Variants in TBL1X observed in about 807,000 individuals in gnomAD.
TBL1X encodes the protein F-box-like/WD repeat-containing protein TBL1X.
In TBL1X, 10 loss-of-function variants were observed where a neutral mutation model predicts 50.7. The ratio of observed to expected loss-of-function variants is 0.20; its 90% CI spans 0.12 to 0.33. The LOEUF (loss-of-function observed/expected upper bound fraction) is 0.33, where lower values mean the gene tolerates loss of function less well. Among genes scored for constraint, TBL1X ranks in the 10% least tolerant of loss-of-function variants. The probability of loss-of-function intolerance (pLI) is 1.00; values close to 1 mark genes in which losing one functional copy is unlikely to be tolerated. For synonymous variants in TBL1X, 190 were observed against 214.7 expected (o/e 0.88, Z 1.01); for missense variants, 340 against 504.4 (o/e 0.67, Z 3.12).
At chrX:9,674,464 G>T (rs2082978980) in intron 5 of TBL1X, among the ~76,000 whole-genome samples, 1 of 111,518 alleles carries the variant, frequency 9.0e-6, no homozygotes, top group Non-Finnish European at 1.9e-5. Context: ...GTTTCACCAT[G>T]TTGCCCAGAC....
intron 2 of TBL1X, chrX:9,534,991 T>C (rs1018824726): frequency 3.6e-5 from 4 of 112,078 alleles, no homozygotes; most frequent in African/African-American, 1.3e-4. Context: ...AGCTGGTTCA[T>C]GTTAAAGTGC....
In TBL1X at chrX:9,566,358, T is replaced by C. The variant is rs7887586; in HGVS notation, c.-131+64509T>C. Among the ~76,000 whole-genome samples, 267 of 112,225 alleles carry C rather than the reference T, an allele frequency of 2.4e-3. 1 individual carries two copies. The highest frequency in any genetic ancestry group is 8.4e-3 in the African/African-American group (259 of 30,911). On this transcript the variant is annotated intron_variant, in intron 2 of 17. Transcript: ENST00000645353. ...TTTTGAAGGATTTTTAAATATGTCA[T>C]TGAATAAACCTCAATATATAACCCT... is the stretch of plus-strand genomic sequence containing the variant.
chrX:9,588,370 T>A (rs1386685543), intron 2 of TBL1X, among the ~76,000 whole-genome samples: 1 of 111,795 alleles, frequency 8.9e-6, no homozygotes, highest in Non-Finnish European at 1.9e-5. Context: ...GATGTTTGGG[T>A]TGTTTCCATT....
intron 2 of TBL1X, among the ~76,000 whole-genome samples, chrX:9,539,875 G>T (rs765790854): frequency 8.9e-6 from 1 of 112,347 alleles, no homozygotes; most frequent in South Asian, 3.7e-4. Flanking sequence ...CTACTAGGCA[G>T]TACAGCTGAG....
intron 2 of TBL1X, among the ~76,000 whole-genome samples, chrX:9,585,638 G>A (rs2082465664): frequency 9.0e-6 from 1 of 111,135 alleles, no homozygotes; most frequent in African/African-American, 3.3e-5. Flanking sequence ...AGCTCCAGAG[G>A]CCACAGGTCT....
intron 2 of TBL1X, among the ~76,000 whole-genome samples, chrX:9,537,110 G>A (rs2082192084): frequency 9.0e-6 from 1 of 111,660 alleles, no homozygotes; most frequent in Non-Finnish European, 1.9e-5. Flanking sequence ...ATCACTGAGT[G>A]CTTTTACTGT....
intron 1 of TBL1X, among the ~76,000 whole-genome samples, chrX:9,490,657 C>G (rs1436080897): frequency 1.8e-5 from 2 of 112,074 alleles, no homozygotes; most frequent in African/African-American, 6.5e-5. Context: ...ACGGACACAT[C>G]TAGGAAGGAA....
At chrX:9,713,963 TTCTC>T (rs1326913342) in intron 16 of TBL1X, among the ~76,000 whole-genome samples, 1 of 110,458 alleles carries the variant, frequency 9.1e-6, no homozygotes, top group Non-Finnish European at 1.9e-5. Flanking sequence ...ATTCGACTCT[TTCTC>T]TCTTTTTTAT....
At chrX:9,496,083 A>T (rs1425447283) in intron 1 of TBL1X, among the ~76,000 whole-genome samples, 1 of 112,731 alleles carries the variant, frequency 8.9e-6, no homozygotes, top group Non-Finnish European at 1.9e-5. Flanking sequence ...TACACAATAC[A>T]CATTGATATT....
chrX:9,504,986 G>A (rs1373375675), intron 2 of TBL1X, among the ~76,000 whole-genome samples: 1 of 111,265 alleles, frequency 9.0e-6, no homozygotes, highest in Non-Finnish European at 1.9e-5. Context: ...TCTATGAGAC[G>A]ATCAACCCCA....
At chrX:9,701,639 TACAGATTTGTGTTGGGCC>T (rs932049739) in intron 12 of TBL1X, among the ~76,000 whole-genome samples, 1 of 107,394 alleles carries the variant, frequency 9.3e-6, no homozygotes, top group African/African-American at 3.4e-5. Context: ...TGAGAGAGTT[TACAGATTTGTGTTGGGCC>T]ACATTCAAAG....
intron 1 of TBL1X, among the ~76,000 whole-genome samples, chrX:9,485,697 T>C (rs2081907854): frequency 9.0e-6 from 1 of 111,152 alleles, no homozygotes; most frequent in Admixed American, 9.6e-5. Flanking sequence ...CCTGGAACCT[T>C]TGGGCAAAGC....
At chrX:9,693,990 T>C (rs953526779) in intron 11 of TBL1X, among the ~76,000 whole-genome samples, 1 of 111,120 alleles carries the variant, frequency 9.0e-6, no homozygotes, top group African/African-American at 3.3e-5. Flanking sequence ...CAGGTGCATG[T>C]AAAAGCCATC....
chrX:9,572,114 G>A (rs1044567986), intron 2 of TBL1X, among the ~76,000 whole-genome samples: 6 of 111,857 alleles, frequency 5.4e-5, no homozygotes, highest in Admixed American at 2.8e-4. Flanking sequence ...TCACACCCCC[G>A]CGGAAAACTC....
At chrX:9,684,853 A>G (rs750685818) in intron 6 of TBL1X, among the ~76,000 whole-genome samples, 2 of 112,191 alleles carry the variant, frequency 1.8e-5, no homozygotes, top group African/African-American at 6.5e-5. Flanking sequence ...CTTAATGCAG[A>G]CTTGCTGTCT....
intron 5 of TBL1X, among the ~76,000 whole-genome samples, chrX:9,670,852 GT>G (rs1415276403): frequency 8.9e-6 from 1 of 112,333 alleles, no homozygotes; most frequent in Non-Finnish European, 1.9e-5. Context: ...GTGTATCCAT[GT>G]TTAAAAAAAG....
intron 1 of TBL1X, among the ~76,000 whole-genome samples, chrX:9,465,963 G>C (rs1357153679): frequency 8.8e-6 from 1 of 113,154 alleles, no homozygotes; most frequent in East Asian, 2.8e-4. Flanking sequence ...GCCTCGCGGA[G>C]TGGGGCAAGC....
chrX:9,640,437 A>C (rs1569084110), intron 3 of TBL1X, 77 bp downstream of exon 3: 1 of 111,674 alleles, frequency 9.0e-6, no homozygotes, highest in Admixed American at 9.5e-5. Flanking sequence ...GCATTTTCCC[A>C]AAATGGAACC....
Position 9,709,334 on chromosome X carries a change from A to G in TBL1X, c.1311+12A>G. The G allele has an allele frequency of 1.7e-6, 2 of 1,210,372 alleles. No individual in the cohort carries two copies. Among genetic ancestry groups the G allele is most frequent in the Non-Finnish European group, 2.2e-6 (2 of 894,273 alleles). Reference sequence around the variant, plus strand: ...ACATGACATTGAAGGTAGAGTCGGCATGGCAAGGGGTGGGCTGTTTAATCC... The same window carrying G: ...ACATGACATTGAAGGTAGAGTCGGCGTGGCAAGGGGTGGGCTGTTTAATCC... On this transcript the variant is annotated intron_variant, in intron 14 of 17. Transcript: ENST00000645353.
Sources: gnomAD v4.1 joint callset for allele counts (sites outside exome capture counted in the v4.1 genomes callset) on GRCh38, gnomAD v4.1.1 for gene constraint, MANE v1.5 for transcripts, NCBI Gene and HGNC (gene_info 2026-07-23, HGNC 2026-07-21) for gene names.